The following CEP89 variants were observed in gnomAD, a reference collection of about 807,000 sequenced individuals.
The protein encoded by CEP89 is centrosomal protein 89.
A neutral mutation model predicts 97.6 loss-of-function variants in CEP89; 95 were observed. The observed-to-expected ratio is 0.97, with a 90% CI of 0.82 to 1.15. CEP89 has a LOEUF of 1.15. Among genes scored for constraint, CEP89 ranks in the 50% most tolerant of loss-of-function variants. The probability of loss-of-function intolerance (pLI) is 0.00; values close to 1 mark genes in which losing one functional copy is unlikely to be tolerated. For missense variants in CEP89, 869 were observed against 947.7 expected, an observed-to-expected ratio of 0.92 and a Z score of 1.09; for synonymous variants, 354 against 349.1, an observed-to-expected ratio of 1.01 and a Z score of -0.16.
intron 5 of CEP89, among the ~76,000 whole-genome samples, chr19:32,948,052 C>T (rs1294251477): frequency 6.6e-6 from 1 of 152,220 alleles, no homozygotes; most frequent in Non-Finnish European, 1.5e-5. Context: ...AGGGATCCTC[C>T]AGCCTTGGCC....
At position 32,927,903 on chromosome 19, in the gene CEP89, CTTT is replaced by C. The variant is rs60706354; in HGVS notation, c.1030-922_1030-920del. On this transcript the variant is annotated intron_variant, in intron 9 of 18. Coordinates refer to ENST00000305768, the MANE Select transcript of CEP89 (RefSeq NM_032816.5). ...TGCAAGTGTGAGCCAGCACACTTGGCTTTTTTTTTTTTTTTCTTTTTTTTTTTT... is the reference window on the plus strand; with the variant it reads ...TGCAAGTGTGAGCCAGCACACTTGGCTTTTTTTTTTTTCTTTTTTTTTTTT... Among the ~76,000 whole-genome samples the C allele has an allele frequency of 8.3e-4, 96 of 116,344 alleles. 1 individual carries two copies. The highest frequency in any genetic ancestry group is 1.6e-3 in the Admixed American group (16 of 10,218). 76.3% of individuals were successfully genotyped at this position (116,344 alleles called of 152,430 possible). A position where few individuals can be genotyped will look rare whatever the true frequency, so the allele number is the denominator to read the frequency against.
chr19:32,948,681 C>T (rs1045925604), intron 4 of CEP89, among the ~76,000 whole-genome samples: 2 of 152,142 alleles, frequency 1.3e-5, no homozygotes, highest in East Asian at 3.9e-4. Context: ...CCAGGGACCA[C>T]CCAATGCCAC....
At chr19:32,903,589 T>C (rs1969827530) in intron 14 of CEP89, among the ~76,000 whole-genome samples, 1 of 152,080 alleles carries the variant, frequency 6.6e-6, no homozygotes, top group Non-Finnish European at 1.5e-5. Context: ...GTGAACAATA[T>C]ATTGGATGGG....
chr19:32,951,049 AT>A (rs1457567148), intron 4 of CEP89, among the ~76,000 whole-genome samples: 10 of 151,890 alleles, frequency 6.6e-5, no homozygotes, highest in Non-Finnish European at 1.5e-4. Flanking sequence ...GGTACAAGTA[AT>A]TTTTTTTTAA....
intron 4 of CEP89, among the ~76,000 whole-genome samples, chr19:32,948,852 G>A (rs1179616725): frequency 6.6e-6 from 1 of 152,136 alleles, no homozygotes; most frequent in African/African-American, 2.4e-5. Flanking sequence ...AGCCTCTGGA[G>A]TAGCTGGGAC....
intron 1 of CEP89, chr19:32,969,793 C>G (rs1368852405): frequency 6.6e-6 from 1 of 152,286 alleles, no homozygotes; most frequent in East Asian, 1.9e-4. Context: ...CCCGGCTCCC[C>G]CAGGAGCAGA....
intron 11 of CEP89, among the ~76,000 whole-genome samples, chr19:32,925,163 C>T (rs1970328145): frequency 6.6e-6 from 1 of 152,104 alleles, no homozygotes; most frequent in Non-Finnish European, 1.5e-5. Flanking sequence ...GAACAACCAA[C>T]ATTTCTTTCG....
intron 2 of CEP89, 45 bp downstream of exon 2, chr19:32,966,315 G>C (rs1002877092): frequency 9.0e-7 from 1 of 1,112,094 alleles, no homozygotes; most frequent in Non-Finnish European, 1.3e-6. Context: ...GTACTTGGAG[G>C]CTGAGCACAG....
intron 16 of CEP89, among the ~76,000 whole-genome samples, chr19:32,890,128 C>T (rs556091634): frequency 9.3e-4 from 141 of 152,228 alleles, no homozygotes; most frequent in Non-Finnish European, 1.6e-3. Flanking sequence ...TGTTTTCAGC[C>T]GGGCACGGTG....
At chr19:32,952,247 G>A (rs940252827) in intron 4 of CEP89, among the ~76,000 whole-genome samples, 1 of 151,116 alleles carries the variant, frequency 6.6e-6, no homozygotes, top group African/African-American at 2.4e-5. Flanking sequence ...TTGGGAGCCC[G>A]AAGCAAGAGG....
chr19:32,885,002 G>A (rs1328900964), intron 17 of CEP89, among the ~76,000 whole-genome samples: 2 of 152,116 alleles, frequency 1.3e-5, no homozygotes, highest in Admixed American at 1.3e-4. Flanking sequence ...ATTAGCTCAT[G>A]ACAACGTTTT....
intron 6 of CEP89, among the ~76,000 whole-genome samples, chr19:32,939,581 G>A (rs1248366413): frequency 6.6e-6 from 1 of 151,780 alleles, no homozygotes; most frequent in African/African-American, 2.4e-5. Context: ...GGGAGGCTGA[G>A]GTGGGAGGAT....
intron 13 of CEP89, among the ~76,000 whole-genome samples, chr19:32,916,923 G>A (rs376507715): frequency 2.0e-5 from 3 of 152,068 alleles, no homozygotes; most frequent in Non-Finnish European, 4.4e-5. Context: ...CAGGAGAATC[G>A]CTGGAACCTG....
chr19:32,893,811 A>G (rs997929062), intron 16 of CEP89, among the ~76,000 whole-genome samples: 31 of 152,234 alleles, frequency 2.0e-4, no homozygotes, highest in Non-Finnish European at 1.0e-4. Flanking sequence ...GGTATCAAAA[A>G]TTTCTTGAAA....
chr19:32,881,799 C>A, intron 18 of CEP89, 45 bp downstream of exon 18: 1 of 1,535,848 alleles, frequency 6.5e-7, no homozygotes, highest in Non-Finnish European at 8.8e-7. Flanking sequence ...CTCAATCAGA[C>A]ATTCAGACAT....
intron 4 of CEP89, among the ~76,000 whole-genome samples, chr19:32,952,159 T>C (rs868740540): frequency 1.2e-4 from 18 of 152,236 alleles, no homozygotes; most frequent in African/African-American, 4.3e-4. Flanking sequence ...TAAGGATCCC[T>C]CAAAATAAGC....
At chr19:32,885,590 T>C (rs1599708125) in intron 17 of CEP89, among the ~76,000 whole-genome samples, 1 of 152,156 alleles carries the variant, frequency 6.6e-6, no homozygotes, top group African/African-American at 2.4e-5. Flanking sequence ...CCAAAGTGCT[T>C]GGATTACAGG....
chr19:32,894,442 G>A (rs941339848), intron 16 of CEP89, among the ~76,000 whole-genome samples: 3 of 152,098 alleles, frequency 2.0e-5, no homozygotes, highest in South Asian at 2.1e-4. Context: ...TCCCTTAATC[G>A]TAATGTAGCT....
intron 3 of CEP89, among the ~76,000 whole-genome samples, chr19:32,956,574 C>G (rs1206727200): frequency 6.6e-6 from 1 of 151,774 alleles, no homozygotes. Flanking sequence ...ACTTTGTTGC[C>G]CAGGCTGGTC....
Sources: allele counts gnomAD v4.1 joint callset (sites outside exome capture counted in the v4.1 genomes callset), GRCh38; gene constraint gnomAD v4.1.1; transcripts MANE v1.5; gene names NCBI Gene and HGNC (gene_info 2026-07-23, HGNC 2026-07-21).